NR6A1: variants seen among roughly 807,000 people sequenced by gnomAD.
NR6A1 encodes the protein nuclear receptor subfamily 6 group A member 1, also known as retinoic acid receptor-related testis-associated receptor.
NR6A1 carries 7 observed loss-of-function variants against 59.1 expected under a neutral mutation model. That is an observed-to-expected ratio of 0.12 (90% CI 0.07 to 0.22). The LOEUF (loss-of-function observed/expected upper bound fraction) is 0.22, where lower values mean the gene tolerates loss of function less well. NR6A1 is among the 10% of genes least tolerant of loss of function. NR6A1 has a pLI of 1.00. For missense variants in NR6A1, 468 were observed against 611.6 expected (o/e 0.77, Z 2.48); for synonymous variants, 243 against 236.1 (o/e 1.03, Z -0.27).
intron 2 of NR6A1, among the ~76,000 whole-genome samples, chr9:124,677,849 T>C (rs1838010515): frequency 6.6e-6 from 1 of 152,160 alleles, no homozygotes; most frequent in African/African-American, 2.4e-5. Context: ...GTATTTTGGC[T>C]ACAGTGACCC....
intron 1 of NR6A1, among the ~76,000 whole-genome samples, chr9:124,743,519 T>C (rs1444883950): frequency 6.6e-6 from 1 of 152,228 alleles, no homozygotes; most frequent in East Asian, 1.9e-4. Flanking sequence ...TTAAATGCAG[T>C]ACACGAGTGT....
intron 2 of NR6A1, among the ~76,000 whole-genome samples, chr9:124,632,303 T>A (rs2130883478): frequency 6.6e-6 from 1 of 152,308 alleles, no homozygotes; most frequent in Non-Finnish European, 1.5e-5. Context: ...AAGCTTTCCT[T>A]TTTCTCGACA....
chr9:124,583,205 A>G (rs551656094), intron 2 of NR6A1, among the ~76,000 whole-genome samples: 12 of 152,026 alleles, frequency 7.9e-5, no homozygotes, highest in Non-Finnish European at 1.6e-4. Context: ...TAGTGGGAAA[A>G]GTTTGGATAA....
At chr9:124,526,353 G>A (rs889338615) in intron 8 of NR6A1, among the ~76,000 whole-genome samples, 1 of 152,014 alleles carries the variant, frequency 6.6e-6, no homozygotes, top group Non-Finnish European at 1.5e-5. Flanking sequence ...GGGGCTGTCA[G>A]AACCACTGCC....
At chr9:124,688,653 T>C (rs1457139981) in intron 2 of NR6A1, among the ~76,000 whole-genome samples, 3 of 152,114 alleles carry the variant, frequency 2.0e-5, no homozygotes, top group African/African-American at 7.2e-5. Flanking sequence ...GATCAAAGCT[T>C]CCAAAAAAAG....
chr9:124,618,526 C>T (rs566228161), intron 2 of NR6A1, among the ~76,000 whole-genome samples: 1 of 152,148 alleles, frequency 6.6e-6, no homozygotes, highest in East Asian at 1.9e-4. Context: ...AAGGTAACCA[C>T]GAGCCCAGAG....
chr9:124,561,625 A>T (rs1273396444), intron 2 of NR6A1, among the ~76,000 whole-genome samples: 1 of 152,128 alleles, frequency 6.6e-6, no homozygotes, highest in African/African-American at 2.4e-5. Flanking sequence ...AAAGACAAAA[A>T]AATTGGTGGG....
At chr9:124,527,655 A>T (rs933188344) in intron 7 of NR6A1, among the ~76,000 whole-genome samples, 4 of 152,230 alleles carry the variant, frequency 2.6e-5, no homozygotes, top group Admixed American at 1.3e-4. Flanking sequence ...GTGACAGAGT[A>T]GGAATTTGGA....
chr9:124,688,497 T>A (rs1012952480), intron 2 of NR6A1, among the ~76,000 whole-genome samples: 2 of 152,252 alleles, frequency 1.3e-5, no homozygotes, highest in Admixed American at 6.5e-5. Context: ...ATGGTTGGTA[T>A]CTGCAATTGG....
chr9:124,547,498 A>G (rs964212473), intron 3 of NR6A1, among the ~76,000 whole-genome samples: 1 of 152,180 alleles, frequency 6.6e-6, no homozygotes, highest in Non-Finnish European at 1.5e-5. Flanking sequence ...CTGTCTCTGC[A>G]TATGTTGCCT....
At chr9:124,733,115 C>T (rs1372674245) in intron 2 of NR6A1, among the ~76,000 whole-genome samples, 193 bp downstream of exon 2, 1 of 152,084 alleles carries the variant, frequency 6.6e-6, no homozygotes, top group Non-Finnish European at 1.5e-5. Flanking sequence ...TAGATCCTGG[C>T]CACTGAATAA....
intron 2 of NR6A1, among the ~76,000 whole-genome samples, chr9:124,596,597 C>A (rs1353157203): frequency 6.6e-6 from 1 of 152,184 alleles, no homozygotes; most frequent in Admixed American, 6.5e-5. Flanking sequence ...TTACCCTCAG[C>A]CAAAAGTTTA....
chr9:124,752,386 T>G (rs1270036934), intron 1 of NR6A1, among the ~76,000 whole-genome samples: 1 of 152,214 alleles, frequency 6.6e-6, no homozygotes, highest in South Asian at 2.1e-4. Context: ...AGGATAAAAT[T>G]TTTAAAAATC....
intron 2 of NR6A1, among the ~76,000 whole-genome samples, chr9:124,724,061 G>C (rs1839641085): frequency 6.6e-6 from 1 of 152,190 alleles, no homozygotes; most frequent in African/African-American, 2.4e-5. Flanking sequence ...AATAAATCAT[G>C]ATAAAGCTAT....
chr9:124,589,271 C>A (rs1429490252), intron 2 of NR6A1, among the ~76,000 whole-genome samples: 1 of 152,026 alleles, frequency 6.6e-6, no homozygotes, highest in South Asian at 2.1e-4. Flanking sequence ...ACGGTGAAAC[C>A]CCGTCTCTAC....
intron 2 of NR6A1, among the ~76,000 whole-genome samples, chr9:124,616,915 T>C (rs1835910829): frequency 6.6e-6 from 1 of 152,186 alleles, no homozygotes; most frequent in Non-Finnish European, 1.5e-5. Context: ...GAAAACAGCT[T>C]ACAGGATCTA....
intron 2 of NR6A1, among the ~76,000 whole-genome samples, chr9:124,564,679 C>CTGTGTGTGTGTG (rs1491483034): frequency 5.8e-5 from 4 of 68,762 alleles, no homozygotes; most frequent in African/African-American, 1.9e-4. Flanking sequence ...AAAATCCACA[C>CTGTGTGTGTGTG]TCTGTGTGTG....
intron 2 of NR6A1, among the ~76,000 whole-genome samples, chr9:124,567,158 TGGGAATATTCTAAAGGCAA>T (rs1834280629): frequency 6.7e-6 from 1 of 150,004 alleles, no homozygotes; most frequent in Non-Finnish European, 1.5e-5. Flanking sequence ...GCGAGTCAAG[TGGGAATATTCTAAAGGCAA>T]CTACTTAGGG....
chr9:124,637,310 G>C (rs1836637691), intron 2 of NR6A1, among the ~76,000 whole-genome samples: 1 of 152,168 alleles, frequency 6.6e-6, no homozygotes, highest in African/African-American at 2.4e-5. Flanking sequence ...GGAGGAGACA[G>C]GAATGTTGAA....
Sources: gnomAD v4.1 joint callset for allele counts (sites outside exome capture counted in the v4.1 genomes callset) on GRCh38, gnomAD v4.1.1 for gene constraint, MANE v1.5 for transcripts, NCBI Gene and HGNC (gene_info 2026-07-23, HGNC 2026-07-21) for gene names.